The following PCDH15 variants were observed in gnomAD, a reference collection of about 807,000 sequenced individuals.
PCDH15 encodes the protein protocadherin related 15, also known as protocadherin-15.
Under a neutral mutation model 178.5 loss-of-function variants are expected in PCDH15, and 129 were observed. The ratio of observed to expected loss-of-function variants is 0.72; its 90% CI spans 0.63 to 0.84. The LOEUF is 0.84. Ranked by LOEUF, PCDH15 falls within the 40% of genes least tolerant of loss-of-function variation. PCDH15 has a pLI of 0.00. For missense variants in PCDH15, 2,230 were observed against 2,099.9 expected (o/e 1.06, Z -1.21); for synonymous variants, 800 against 732.0 (o/e 1.09, Z -1.50).
intron 3 of PCDH15, among the ~76,000 whole-genome samples, chr10:54,488,691 T>C (rs1565403188): frequency 3.3e-5 from 5 of 151,986 alleles, no homozygotes; most frequent in South Asian, 4.1e-4. Context: ...AGCAGTTTTA[T>C]CCTAAAGTGA....
intron 2 of PCDH15, among the ~76,000 whole-genome samples, chr10:55,056,640 A>ATTG (rs1841312692): frequency 7.1e-6 from 1 of 140,272 alleles, no homozygotes. Context: ...TATTATTATT[A>ATTG]TTAATATTTT....
chr10:54,326,485 A>C (rs571190378), intron 7 of PCDH15, among the ~76,000 whole-genome samples: 1 of 152,296 alleles, frequency 6.6e-6, no homozygotes, highest in African/African-American at 2.4e-5. Context: ...GATTTATATA[A>C]TACTGTAATA....
chr10:54,012,178 G>T (rs1052877590), intron 20 of PCDH15, among the ~76,000 whole-genome samples: 2 of 152,058 alleles, frequency 1.3e-5, no homozygotes, highest in African/African-American at 2.4e-5. Flanking sequence ...CCAAACTAAG[G>T]AAAGAATCAG....
At chr10:53,901,228 A>G (rs974158309) in intron 26 of PCDH15, among the ~76,000 whole-genome samples, 1 of 152,014 alleles carries the variant, frequency 6.6e-6, no homozygotes, top group African/African-American at 2.4e-5. Flanking sequence ...TCTCAAGTCT[A>G]GATCAGCATT....
At chr10:55,369,556 A>G (rs1229143042) in intron 2 of PCDH15, among the ~76,000 whole-genome samples, 1 of 152,116 alleles carries the variant, frequency 6.6e-6, no homozygotes. Flanking sequence ...AATGCACCAG[A>G]CTATACAAAT....
At chr10:53,817,000 G>T (rs1334061230) in intron 34 of PCDH15, among the ~76,000 whole-genome samples, 1 of 152,084 alleles carries the variant, frequency 6.6e-6, no homozygotes, top group Non-Finnish European at 1.5e-5. Flanking sequence ...CAAATTTTGG[G>T]GTTAGTAACT....
chr10:54,216,668 A>C (rs543321013), intron 9 of PCDH15, among the ~76,000 whole-genome samples: 13 of 152,348 alleles, frequency 8.5e-5, no homozygotes, highest in Non-Finnish European at 1.9e-4. Context: ...AGCCTGCAGG[A>C]AAACAGACAC....
chr10:54,904,323 C>T (rs1318654277), intron 2 of PCDH15, among the ~76,000 whole-genome samples: 1 of 151,702 alleles, frequency 6.6e-6, no homozygotes, highest in African/African-American at 2.4e-5. Flanking sequence ...TAAACAATAC[C>T]TCCAATAGAT....
intron 14 of PCDH15, among the ~76,000 whole-genome samples, chr10:54,136,424 ATC>A (rs1330860229): frequency 1.3e-5 from 2 of 150,544 alleles, no homozygotes; most frequent in Non-Finnish European, 3.0e-5. Flanking sequence ...CCTGGAACAT[ATC>A]TGTACTGCAG....
chr10:55,259,981 G>T (rs1343700092), intron 1 of PCDH15, among the ~76,000 whole-genome samples: 1 of 142,862 alleles, frequency 7.0e-6, no homozygotes, highest in Non-Finnish European at 1.5e-5. Flanking sequence ...TAAAGAACTA[G>T]AGAAGGATAT....
chr10:55,283,837 T>C (rs764663072), intron 1 of PCDH15, among the ~76,000 whole-genome samples: 4 of 152,110 alleles, frequency 2.6e-5, no homozygotes, highest in African/African-American at 4.8e-5. Flanking sequence ...GTTTGGAAAC[T>C]AAGTGGAAAA....
intron 3 of PCDH15, among the ~76,000 whole-genome samples, chr10:54,380,731 T>TACATAC (rs1554941878): frequency 1.9e-5 from 1 of 51,980 alleles, no homozygotes; most frequent in African/African-American, 6.9e-5. Context: ...TATATATATA[T>TACATAC]ATATATATAT....
At chr10:55,276,658 C>T (rs140665527) in intron 1 of PCDH15, among the ~76,000 whole-genome samples, 49 of 151,598 alleles carry the variant, frequency 3.2e-4, no homozygotes, top group African/African-American at 1.2e-3. Flanking sequence ...TAATTTCTTG[C>T]ATGGTATTTA....
intron 23 of PCDH15, among the ~76,000 whole-genome samples, chr10:53,946,940 C>T (rs1432681007): frequency 6.6e-6 from 1 of 152,024 alleles, no homozygotes; most frequent in Admixed American, 6.6e-5. Context: ...CCACACCTGG[C>T]TAATTTTTTG....
intron 3 of PCDH15, among the ~76,000 whole-genome samples, chr10:54,811,071 T>C (rs1043165397): frequency 3.3e-5 from 5 of 152,064 alleles, no homozygotes; most frequent in African/African-American, 7.2e-5. Context: ...TTTTTACTCA[T>C]AGTTATTTCA....
intron 2 of PCDH15, among the ~76,000 whole-genome samples, chr10:55,147,345 C>G (rs1182423582): frequency 6.6e-6 from 1 of 151,160 alleles, no homozygotes; most frequent in African/African-American, 2.4e-5. Flanking sequence ...TGTAGTGTAC[C>G]ATTGTATAAT....
chr10:54,680,053 T>TA (rs1283651738), intron 1 of PCDH15, among the ~76,000 whole-genome samples: 2 of 152,210 alleles, frequency 1.3e-5, no homozygotes, highest in African/African-American at 4.8e-5. Flanking sequence ...TAACTTTGAT[T>TA]AAATCTATTA....
chr10:54,105,759 T>G (rs1429858757), intron 15 of PCDH15, among the ~76,000 whole-genome samples: 1 of 152,110 alleles, frequency 6.6e-6, no homozygotes, highest in African/African-American at 2.4e-5. Context: ...CATCACAGTA[T>G]CATATAACAC....
chr10:53,870,508 C>T (rs1241799367), intron 26 of PCDH15, among the ~76,000 whole-genome samples: 1 of 152,052 alleles, frequency 6.6e-6, no homozygotes, highest in Admixed American at 6.6e-5. Flanking sequence ...GATCTTATTT[C>T]AGGAGATATT....
Sources: allele counts gnomAD v4.1 joint callset (sites outside exome capture counted in the v4.1 genomes callset), GRCh38; gene constraint gnomAD v4.1.1; transcripts MANE v1.5; gene names NCBI Gene and HGNC (gene_info 2026-07-23, HGNC 2026-07-21).